Variants in MED13L observed in about 807,000 individuals in gnomAD.
The protein encoded by MED13L is mediator complex subunit 13L, also known as mediator of RNA polymerase II transcription subunit 13-like.
A neutral mutation model predicts 220.9 loss-of-function variants in MED13L; 7 were observed. That is an observed-to-expected ratio of 0.03 (90% CI 0.02 to 0.06). MED13L has a LOEUF of 0.06. Ranked by LOEUF, MED13L falls within the 10% of genes least tolerant of loss-of-function variation. The pLI is 1.00. For missense variants in MED13L, 1,965 were observed against 2,760.5 expected, an observed-to-expected ratio of 0.71 and a Z score of 6.46; for synonymous variants, 1,011 against 1,015.2, an observed-to-expected ratio of 1.00 and a Z score of 0.08.
At chr12:116,239,291 A>T (rs1037866888) in intron 1 of MED13L, among the ~76,000 whole-genome samples, 8 of 152,232 alleles carry the variant, frequency 5.3e-5, no homozygotes, top group Admixed American at 3.9e-4. Context: ...CACTGGCATC[A>T]TTTAGGGTTT....
chr12:116,096,793 A>T, intron 3 of MED13L, 41 bp from the exon 4 acceptor site: 1 of 1,475,188 alleles, frequency 6.8e-7, no homozygotes, highest in East Asian at 2.3e-5. Flanking sequence ...TAGTATCAGT[A>T]ACAAATTAGT....
intron 2 of MED13L, among the ~76,000 whole-genome samples, chr12:116,224,321 G>A (rs1008049919): frequency 1.3e-5 from 2 of 152,030 alleles, no homozygotes; most frequent in Non-Finnish European, 2.9e-5. Flanking sequence ...GCAGTTACAC[G>A]CACATGCTTG....
intron 22 of MED13L, 85 bp downstream of exon 22, chr12:115,982,299 T>G (rs1592913130): frequency 7.2e-7 from 1 of 1,396,806 alleles, no homozygotes; most frequent in East Asian, 2.4e-5. Context: ...TTCCATTTTT[T>G]AAGAAAAATC....
intron 3 of MED13L, 55 bp downstream of exon 3, chr12:116,111,373 A>G: frequency 7.3e-7 from 1 of 1,378,230 alleles, no homozygotes; most frequent in Non-Finnish European, 1.0e-6. Flanking sequence ...AACTCTCGGT[A>G]TCTAGCAATA....
intron 2 of MED13L, among the ~76,000 whole-genome samples, chr12:116,137,517 A>G (rs1876662642): frequency 6.6e-6 from 1 of 152,090 alleles, no homozygotes. Flanking sequence ...TTGGAAACTC[A>G]CGGGGTTTCA....
chr12:116,203,084 G>T (rs186477187), intron 2 of MED13L, among the ~76,000 whole-genome samples: 1 of 152,100 alleles, frequency 6.6e-6, no homozygotes, highest in East Asian at 1.9e-4. Context: ...CAAAAACAGC[G>T]GGACCAAATT....
At chr12:116,046,056 A>G (rs561120929) in intron 4 of MED13L, among the ~76,000 whole-genome samples, 3 of 152,176 alleles carry the variant, frequency 2.0e-5, no homozygotes, top group Non-Finnish European at 4.4e-5. Flanking sequence ...TTTTATTTAT[A>G]AAGCCAATAT....
intron 1 of MED13L, among the ~76,000 whole-genome samples, chr12:116,245,100 C>T (rs1477976153): frequency 1.3e-5 from 2 of 152,052 alleles, no homozygotes; most frequent in Non-Finnish European, 2.9e-5. Context: ...ACAGAGGGTA[C>T]CTGGACTGCA....
rs772742342 is a variant in MED13L at position 115,960,787 on chromosome 12, G to GT, written c.*478dup. The GT allele has an allele frequency of 7.4e-5, 16 of 216,728 alleles. No individual in the cohort carries two copies. The East Asian group carries it at 1.3e-3, about 18-fold the overall frequency. The allele number at this position is 216,728 out of a possible 1,614,324, so 13.4% of individuals were successfully genotyped here. A position where few individuals can be genotyped will look rare whatever the true frequency, so the allele number is the denominator to read the frequency against. ...GACAGAAACCCCAGTATGAAACCATGTACTTGAGCTGGTTCTTATTTTTAA... is the reference window on the plus strand; with the variant it reads ...GACAGAAACCCCAGTATGAAACCATGTTACTTGAGCTGGTTCTTATTTTTAA... On this transcript the variant is annotated 3_prime_UTR_variant, in exon 31 of 31. Transcript: ENST00000281928.
intron 4 of MED13L, among the ~76,000 whole-genome samples, chr12:116,039,776 A>G (rs78516137): frequency 0.044 from 6,669 of 152,062 alleles, 505 homozygotes; most frequent in African/African-American, 0.15. Context: ...GCATGAGTTC[A>G]AGATGTATTT....
At chr12:116,179,511 G>T (rs1162644517) in intron 2 of MED13L, among the ~76,000 whole-genome samples, 1 of 151,928 alleles carries the variant, frequency 6.6e-6, no homozygotes, top group Non-Finnish European at 1.5e-5. Flanking sequence ...CAGCTACTTG[G>T]GAGGCTGAGG....
chr12:116,242,775 A>C (rs1870768283), intron 1 of MED13L, among the ~76,000 whole-genome samples: 2 of 152,240 alleles, frequency 1.3e-5, no homozygotes, highest in Non-Finnish European at 2.9e-5. Context: ...ATTCTCCCAG[A>C]GCCACACAGG....
chr12:116,163,041 A>T (rs1293071664), intron 2 of MED13L, among the ~76,000 whole-genome samples: 1 of 152,198 alleles, frequency 6.6e-6, no homozygotes, highest in Non-Finnish European at 1.5e-5. Context: ...GCCGAGTTTA[A>T]ATAAAGACAT....
At chr12:116,244,926 T>C (rs1301498905) in intron 1 of MED13L, among the ~76,000 whole-genome samples, 1 of 152,174 alleles carries the variant, frequency 6.6e-6, no homozygotes, top group Non-Finnish European at 1.5e-5. Flanking sequence ...TACTCCAGCC[T>C]GGGCAACAGA....
chr12:116,022,440 G>A lies in MED13L; in HGVS notation c.625+16C>T, dbSNP rs747657031. 1.2e-6 allele frequency: 2 copies of A among 1,613,330 alleles called. No individual in the cohort carries two copies. The highest frequency in any genetic ancestry group is 2.2e-5 in the East Asian group (1 of 44,832). ...GGTGGCGGATAGGGGTGGAGAGCAG[G>A]AACACCCATACTTACCTTGAAATGG... On this transcript the variant is annotated intron_variant, in intron 5 of 30. Transcript: ENST00000281928.
chr12:116,129,849 T>A (rs555691426), intron 2 of MED13L, among the ~76,000 whole-genome samples: 27 of 149,460 alleles, frequency 1.8e-4, no homozygotes, highest in Admixed American at 3.4e-4. Context: ...GTGGAGGTTG[T>A]AGTGAGCCGA....
At chr12:116,002,934 A>G in intron 14 of MED13L, 69 bp downstream of exon 14, 1 of 1,207,694 alleles carries the variant, frequency 8.3e-7, no homozygotes, top group South Asian at 1.2e-5. Context: ...AGCACCACTA[A>G]GTATGAGAAT....
intron 2 of MED13L, among the ~76,000 whole-genome samples, chr12:116,150,957 T>C (rs1352062928): frequency 1.3e-5 from 2 of 152,140 alleles, no homozygotes; most frequent in African/African-American, 2.4e-5. Flanking sequence ...CACCTAGCAC[T>C]ACACTAGGCC....
chr12:116,260,715 T>G (rs1027282459), intron 1 of MED13L, among the ~76,000 whole-genome samples: 1 of 152,220 alleles, frequency 6.6e-6, no homozygotes, highest in African/African-American at 2.4e-5. Flanking sequence ...TTCTATCCAC[T>G]GGTTCCCCAA....
Sources: gnomAD v4.1 joint callset for allele counts (sites outside exome capture counted in the v4.1 genomes callset) on GRCh38, gnomAD v4.1.1 for gene constraint, MANE v1.5 for transcripts, NCBI Gene and HGNC (gene_info 2026-07-23, HGNC 2026-07-21) for gene names.